RYR3: variants seen among roughly 807,000 people sequenced by gnomAD.
The protein encoded by RYR3 is brain ryanodine receptor-calcium release channel.
Under a neutral mutation model 584.3 loss-of-function variants are expected in RYR3, and 207 were observed. The observed-to-expected ratio is 0.35, with a 90% CI of 0.32 to 0.40. RYR3 has a LOEUF of 0.40. Among genes scored for constraint, RYR3 ranks in the 10% least tolerant of loss-of-function variants. The pLI is 1.00. For missense variants in RYR3, 5,616 were observed against 6,089.2 expected, an observed-to-expected ratio of 0.92 and a Z score of 2.59; for synonymous variants, 2,416 against 2,248.5, an observed-to-expected ratio of 1.07 and a Z score of -2.11.
At chr15:33,326,208 T>C (rs2140597404) in intron 1 of RYR3, among the ~76,000 whole-genome samples, 1 of 152,284 alleles carries the variant, frequency 6.6e-6, no homozygotes, top group East Asian at 1.9e-4. Context: ...CCATAGGGCA[T>C]TATAGATAGG....
At chr15:33,830,056 C>CA (rs2077586698) in intron 85 of RYR3, among the ~76,000 whole-genome samples, 2 of 152,166 alleles carry the variant, frequency 1.3e-5, no homozygotes, top group African/African-American at 4.8e-5. Flanking sequence ...ATGCTCTAAA[C>CA]ATTGTTGAAA....
At position 33,818,598 on chromosome 15, in the gene RYR3, G is replaced by T; in HGVS notation, c.10620G>T (p.Glu3540Asp). Reference sequence around the variant, plus strand: ...TGTAGAAATCTCCAAAGGTGGAAGAGGAGGAGGAGGAAGAGACAGAAAAAC... The same window carrying T: ...TGTAGAAATCTCCAAAGGTGGAAGATGAGGAGGAGGAAGAGACAGAAAAAC... ...QDLAKSPKVE[E>D]EEEEETEKQP... The change falls in exon 76 of 104, where the codon GAG (glutamate) becomes GAT (aspartate). Residue 3540 changes from glutamate to aspartate, a missense_variant. Physicochemically the swap from Glu to Asp is conservative, Grantham distance 45. Transcript: ENST00000634891. 1 of 1,601,036 alleles carries T rather than the reference G, an allele frequency of 6.2e-7. No homozygotes were observed. Among genetic ancestry groups the T allele is most frequent in the South Asian group, 1.1e-5 (1 of 90,624 alleles).
chr15:33,793,266 G>A (rs937516313), intron 67 of RYR3, among the ~76,000 whole-genome samples: 6 of 152,126 alleles, frequency 3.9e-5, no homozygotes, highest in African/African-American at 1.4e-4. Context: ...CCATCAATGT[G>A]TTTACCAACC....
At chr15:33,811,171 G>A (rs1409490465) in intron 72 of RYR3, 134 bp downstream of exon 72, 1 of 765,626 alleles carries the variant, frequency 1.3e-6, no homozygotes, top group African/African-American at 1.7e-5. Flanking sequence ...TGTTTAATTG[G>A]TAGGACTAGC....
intron 43 of RYR3, among the ~76,000 whole-genome samples, chr15:33,717,787 T>C (rs962491733): frequency 2.2e-4 from 34 of 152,238 alleles, no homozygotes; most frequent in East Asian, 3.8e-4. Context: ...GAGTTCAAGC[T>C]TGACTGTCCT....
chr15:33,652,130 C>T (rs901673562), intron 31 of RYR3, among the ~76,000 whole-genome samples: 11 of 152,078 alleles, frequency 7.2e-5, no homozygotes, highest in African/African-American at 2.4e-4. Context: ...GCCAGTAGTG[C>T]GGGAGGCAGA....
chr15:33,516,405 G>T (rs1402175747), intron 3 of RYR3, among the ~76,000 whole-genome samples: 1 of 151,166 alleles, frequency 6.6e-6, no homozygotes, highest in Admixed American at 6.6e-5. Flanking sequence ...GTGCAGTGGT[G>T]CAGTCTCTGC....
intron 69 of RYR3, among the ~76,000 whole-genome samples, chr15:33,807,321 G>A (rs1412245768): frequency 2.6e-5 from 4 of 152,146 alleles, no homozygotes; most frequent in Non-Finnish European, 4.4e-5. Flanking sequence ...CTGCTTCTGG[G>A]TTGATTGTTT....
intron 1 of RYR3, among the ~76,000 whole-genome samples, chr15:33,361,159 T>C (rs913616330): frequency 1.3e-5 from 2 of 152,216 alleles, no homozygotes; most frequent in Admixed American, 1.3e-4. Flanking sequence ...GTAGGTTTTC[T>C]GTTGCAGCTT....
chr15:33,648,195 C>T (rs564326455), intron 30 of RYR3, among the ~76,000 whole-genome samples: 78 of 152,198 alleles, frequency 5.1e-4, no homozygotes, highest in Non-Finnish European at 4.3e-4. Flanking sequence ...ATCAGCAAGC[C>T]CTGAAATGGA....
chr15:33,865,144 G>GGAAGATGTACCAAGA lies in RYR3; in HGVS notation c.14532_14546dup (p.Lys4845_Glu4849dup). On this transcript the variant is annotated inframe_insertion, in exon 104 of 104. Transcript: ENST00000634891. ...ATATTATTTCAGGAATCTTATGTCTGGAAGATGTACCAAGAAAGGTGTTGG... is the reference window on the plus strand; with the variant it reads ...ATATTATTTCAGGAATCTTATGTCTGGAAGATGTACCAAGAGAAGATGTACCAAGAAAGGTGTTGG... 1 of 1,612,886 alleles carries GGAAGATGTACCAAGA rather than the reference G, an allele frequency of 6.2e-7. No individual in the cohort carries two copies. Among genetic ancestry groups the GGAAGATGTACCAAGA allele is most frequent in the Non-Finnish European group, 8.5e-7 (1 of 1,179,058 alleles).
intron 32 of RYR3, among the ~76,000 whole-genome samples, chr15:33,659,439 T>A (rs2063015053): frequency 6.6e-6 from 1 of 152,248 alleles, no homozygotes; most frequent in Non-Finnish European, 1.5e-5. Context: ...CACACCTACC[T>A]GTCCTGTGCA....
chr15:33,773,965 C>T (rs966298928), intron 64 of RYR3, among the ~76,000 whole-genome samples: 2 of 152,178 alleles, frequency 1.3e-5, no homozygotes, highest in African/African-American at 2.4e-5. Context: ...GGTTAAAGTG[C>T]GCTGAGAAGC....
intron 1 of RYR3, among the ~76,000 whole-genome samples, chr15:33,397,653 A>C (rs2042380229): frequency 6.6e-6 from 1 of 152,190 alleles, no homozygotes; most frequent in Admixed American, 6.5e-5. Flanking sequence ...TATCTGGAGA[A>C]CAGTTCTTGT....
At chr15:33,364,608 G>A (rs937353282) in intron 1 of RYR3, among the ~76,000 whole-genome samples, 3 of 152,152 alleles carry the variant, frequency 2.0e-5, no homozygotes, top group Non-Finnish European at 2.9e-5. Flanking sequence ...AAAAAGCAGC[G>A]TACCAGACAA....
intron 3 of RYR3, among the ~76,000 whole-genome samples, chr15:33,526,077 C>T (rs142266801): frequency 6.2e-4 from 95 of 152,152 alleles, no homozygotes; most frequent in South Asian, 2.7e-3. Context: ...ATTTAGGGTT[C>T]GAGATGTTAA....
At chr15:33,417,029 A>G (rs1171132695) in intron 1 of RYR3, among the ~76,000 whole-genome samples, 1 of 152,026 alleles carries the variant, frequency 6.6e-6, no homozygotes, top group Non-Finnish European at 1.5e-5. Context: ...AGTAGTCCCT[A>G]TTCAGTTCTA....
intron 19 of RYR3, among the ~76,000 whole-genome samples, chr15:33,621,830 G>A (rs928421313): frequency 6.6e-6 from 1 of 152,058 alleles, no homozygotes; most frequent in Non-Finnish European, 1.5e-5. Flanking sequence ...ATATTTCCAC[G>A]ATCACAATTA....
intron 3 of RYR3, among the ~76,000 whole-genome samples, chr15:33,529,795 C>T (rs2054703419): frequency 6.6e-6 from 1 of 152,180 alleles, no homozygotes; most frequent in Non-Finnish European, 1.5e-5. Flanking sequence ...CTACTCACCT[C>T]TAACTATAAT....
Sources: allele counts gnomAD v4.1 joint callset (sites outside exome capture counted in the v4.1 genomes callset), GRCh38; gene constraint gnomAD v4.1.1; transcripts MANE v1.5; gene names NCBI Gene and HGNC (gene_info 2026-07-23, HGNC 2026-07-21).